MATR3: variants seen among roughly 807,000 people sequenced by gnomAD.
MATR3 encodes matrin-3.
Under a neutral mutation model 85.5 loss-of-function variants are expected in MATR3, and 4 were observed. The observed-to-expected ratio is 0.05, with a 90% CI of 0.02 to 0.11. The LOEUF is 0.11. Among genes scored for constraint, MATR3 ranks in the 10% least tolerant of loss-of-function variants. The pLI is 1.00. For synonymous variants in MATR3, 336 were observed against 343.1 expected, an observed-to-expected ratio of 0.98 and a Z score of 0.23; for missense variants, 685 against 1,016.1, an observed-to-expected ratio of 0.67 and a Z score of 4.43.
intron 1 of MATR3, among the ~76,000 whole-genome samples, chr5:139,299,559 C>T (rs1478429031): frequency 6.6e-6 from 1 of 152,056 alleles, no homozygotes; most frequent in Non-Finnish European, 1.5e-5. Context: ...CCTGTGGTCC[C>T]TGCTGAGACC....
chr5:139,288,765 C>T (rs1228629037), upstream of MATR3, among the ~76,000 whole-genome samples: 1 of 152,106 alleles, frequency 6.6e-6, no homozygotes, highest in Non-Finnish European at 1.5e-5. Context: ...CTCAACCTCC[C>T]GAGTAGCTGG....
chr5:139,291,241 G>A (rs1461885920), upstream of MATR3, among the ~76,000 whole-genome samples: 3 of 152,142 alleles, frequency 2.0e-5, no homozygotes, highest in East Asian at 3.8e-4. Context: ...TTGCCTACTC[G>A]TCAGATATTA....
chr5:139,307,878 A>C lies in MATR3; in HGVS notation c.463A>C (p.Thr155Pro), dbSNP rs766473689. 1.9e-6 allele frequency: 3 copies of C among 1,614,070 alleles called. No homozygotes were observed. Among genetic ancestry groups the C allele is most frequent in the Non-Finnish European group, 2.5e-6 (3 of 1,180,002 alleles). Reference protein sequence around the residue: ...LKRRRTEEGPTLSYGRDGRSA... With the variant: ...LKRRRTEEGPPLSYGRDGRSA... ...AAGGAGGAGAACTGAAGAAGGCCCT[A>C]CCTTGAGTTATGGTAGAGATGGCAG... The change falls in exon 2 of 15, where the codon ACC becomes CCC. Residue 155 changes from threonine to proline, a missense_variant. Thr to Pro is a conservative substitution (Grantham distance 38). Transcript: ENST00000394805. This position sits in a 1 kb window ranked among gnomAD's most constrained non-coding sequence, Gnocchi z 4.4.
rs1755286266 is a variant in MATR3, at chr5:139,317,056, C to G, written c.1133C>G (p.Ala378Gly). The G allele has an allele frequency of 6.2e-7, 1 of 1,613,758 alleles. No homozygotes were observed. Among genetic ancestry groups the G allele is most frequent in the African/African-American group, 1.3e-5 (1 of 74,886 alleles). ...AAAACTTTCTCTTCCCATAAAGGTG[C>G]TGGAAATGGAAACCTGCAAGGACCT... ...PAVGPRGNLG[A>G]GNGNLQGPRH... The change falls in exon 6 of 15, where the codon GCT (alanine) becomes GGT (glycine). Residue 378 changes from alanine to glycine, a missense_variant. Ala to Gly is a moderately conservative substitution (Grantham distance 60, BLOSUM62 0). Coordinates refer to ENST00000394805, the MANE Select transcript of MATR3 (RefSeq NM_018834.6).
At position 139,274,207 on chromosome 5, in the gene MATR3, T is replaced by C. The variant is rs201602449; in HGVS notation, c.-287+46T>C. ...GAGAGTCCTTGGAGGTTTCCCAGCC[T>C]GGGGAAAGAAGCAGTGCAGGGTGGC... On this transcript the variant is annotated intron_variant, in intron 1 of 16. Transcript: ENST00000509990. 27 of 375,030 alleles carry C rather than the reference T, an allele frequency of 7.2e-5. No homozygotes were observed. The East Asian group carries it at 1.5e-3, about 21-fold the overall frequency. 23.2% of individuals were successfully genotyped at this position (375,030 alleles called of 1,614,324 possible).
chr5:139,318,147 T>C (rs1361834792), intron 7 of MATR3, among the ~76,000 whole-genome samples: 1 of 152,216 alleles, frequency 6.6e-6, no homozygotes, highest in Non-Finnish European at 1.5e-5. Flanking sequence ...GTTTCTTTGT[T>C]TTGGGAGTCG....
At chr5:139,323,958 A>T (rs1307766906) in intron 12 of MATR3, among the ~76,000 whole-genome samples, 2 of 151,606 alleles carry the variant, frequency 1.3e-5, no homozygotes, top group Non-Finnish European at 2.9e-5. Flanking sequence ...GGTTCCTTTT[A>T]TGCAACATTC....
intron 1 of MATR3, among the ~76,000 whole-genome samples, chr5:139,298,849 A>G (rs1754294972): frequency 6.6e-6 from 1 of 152,168 alleles, no homozygotes; most frequent in Non-Finnish European, 1.5e-5. Context: ...GAAATTGAAA[A>G]CAACTTAAAT....
At chr5:139,282,433 G>C (rs1015469593) in intron 3 of MATR3, among the ~76,000 whole-genome samples, 1 of 152,138 alleles carries the variant, frequency 6.6e-6, no homozygotes, top group East Asian at 1.9e-4. Context: ...TCCAGTAAAG[G>C]CCCTTTAGGA....
chr5:139,277,129 C>A (rs1442491721), intron 2 of MATR3, among the ~76,000 whole-genome samples: 1 of 151,994 alleles, frequency 6.6e-6, no homozygotes, highest in Non-Finnish European at 1.5e-5. Flanking sequence ...GCCACCACAA[C>A]CAGATAATTT....
intron 3 of MATR3, chr5:139,285,325 C>A (rs1753668358): frequency 1.3e-5 from 2 of 152,146 alleles, no homozygotes; most frequent in African/African-American, 4.8e-5. Flanking sequence ...CAGAACAAAA[C>A]ATAGTCTTTT....
At chr5:139,284,720 A>G (rs1753647984) in intron 3 of MATR3, among the ~76,000 whole-genome samples, 1 of 152,250 alleles carries the variant, frequency 6.6e-6, no homozygotes, top group African/African-American at 2.4e-5. Context: ...ATCTGTAAAT[A>G]TCTTTATATT....
At chr5:139,303,166 A>G (rs576726469) in intron 1 of MATR3, among the ~76,000 whole-genome samples, 34 of 152,094 alleles carry the variant, frequency 2.2e-4, no homozygotes, top group Non-Finnish European at 3.4e-4. Context: ...CAGTGCCCCA[A>G]TCTCGGCTCA....
At chr5:139,319,871 T>G (rs1282453078) in intron 9 of MATR3, among the ~76,000 whole-genome samples, 1 of 143,074 alleles carries the variant, frequency 7.0e-6, no homozygotes, top group African/African-American at 2.7e-5. Context: ...TTTTTTTTTT[T>G]TTTTTTTTTT....
chr5:139,308,433 C>A, intron 2 of MATR3, 106 bp downstream of exon 2: 1 of 1,375,518 alleles, frequency 7.3e-7, no homozygotes, highest in Non-Finnish European at 1.0e-6. Context: ...GTTGATCAAG[C>A]ATTTTTAAAC....
At chr5:139,314,535 A>G in intron 2 of MATR3, 140 bp from the exon 3 acceptor site, 4 of 701,142 alleles carry the variant, frequency 5.7e-6, no homozygotes, top group Non-Finnish European at 7.8e-6. Context: ...TTTAAATTAA[A>G]TCAATGTGAT....
At chr5:139,275,187 CGG>C (rs1248701758) in intron 1 of MATR3, among the ~76,000 whole-genome samples, 3 of 105,064 alleles carry the variant, frequency 2.9e-5, no homozygotes, top group African/African-American at 1.1e-4. Flanking sequence ...TTAGTAGAGA[CGG>C]GGTTTCACCG....
intron 3 of MATR3, among the ~76,000 whole-genome samples, chr5:139,284,088 C>T (rs1281701177): frequency 1.3e-5 from 2 of 152,218 alleles, no homozygotes; most frequent in African/African-American, 2.4e-5. Context: ...CTCAGTTCTA[C>T]TGACAGTTGG....
At chr5:139,321,782 C>CA (rs1755587090) in intron 9 of MATR3, 116 bp from the exon 10 acceptor site, 11 of 1,150,120 alleles carry the variant, frequency 9.6e-6, no homozygotes, top group Non-Finnish European at 1.2e-5. Context: ...GACCCTGTCT[C>CA]AAAAAAGAAA....
Sources: gnomAD v4.1 joint callset for allele counts (sites outside exome capture counted in the v4.1 genomes callset) on GRCh38, gnomAD v4.1.1 for gene constraint, Gnocchi (gnomAD v3.1) non-coding constraint, MANE v1.5 for transcripts, NCBI Gene and HGNC (gene_info 2026-07-23, HGNC 2026-07-21) for gene names.